The following ULK4 variants were observed in gnomAD, a reference collection of about 807,000 sequenced individuals.
The protein encoded by ULK4 is inactive serine/threonine-protein kinase ULK4.
ULK4 carries 133 observed loss-of-function variants against 160.6 expected under a neutral mutation model. The ratio of observed to expected loss-of-function variants is 0.83; its 90% CI spans 0.72 to 0.96. The LOEUF is 0.96. Among genes scored for constraint, ULK4 ranks in the 40% least tolerant of loss-of-function variants. The pLI, the probability that ULK4 is intolerant of heterozygous loss-of-function variation, is 0.00. For synonymous variants in ULK4, 534 were observed against 539.8 expected, an observed-to-expected ratio of 0.99 and a Z score of 0.15; for missense variants, 1,580 against 1,499.5, an observed-to-expected ratio of 1.05 and a Z score of -0.89.
At chr3:41,563,592 C>T (rs2087680459) in intron 32 of ULK4, among the ~76,000 whole-genome samples, 1 of 152,136 alleles carries the variant, frequency 6.6e-6, no homozygotes, top group African/African-American at 2.4e-5. Flanking sequence ...TGTCTTCTCG[C>T]TTTATTTCAT....
intron 12 of ULK4, among the ~76,000 whole-genome samples, chr3:41,906,888 T>C (rs535353910): frequency 1.3e-5 from 2 of 151,798 alleles, no homozygotes; most frequent in East Asian, 2.0e-4. Context: ...AGCGACTTGG[T>C]AGGCTGAGGC....
At chr3:41,472,357 T>G (rs746971273) in intron 32 of ULK4, among the ~76,000 whole-genome samples, 1 of 151,940 alleles carries the variant, frequency 6.6e-6, no homozygotes, top group Non-Finnish European at 1.5e-5. Context: ...TGACCTGAGG[T>G]CAGGAGTTCA....
At chr3:41,252,065 T>C (rs1206634241) in intron 35 of ULK4, among the ~76,000 whole-genome samples, 3 of 152,164 alleles carry the variant, frequency 2.0e-5, no homozygotes, top group Non-Finnish European at 2.9e-5. Flanking sequence ...TAGATGCACA[T>C]AGCACTGCAA....
At chr3:41,601,879 A>T (rs1429470281) in intron 31 of ULK4, among the ~76,000 whole-genome samples, 1 of 152,092 alleles carries the variant, frequency 6.6e-6, no homozygotes, top group Non-Finnish European at 1.5e-5. Flanking sequence ...TTGGAATACA[A>T]AACAAAATAC....
intron 30 of ULK4, among the ~76,000 whole-genome samples, chr3:41,645,562 T>C (rs1488746307): frequency 3.9e-5 from 6 of 152,138 alleles, no homozygotes; most frequent in Non-Finnish European, 5.9e-5. Flanking sequence ...AGAGACAGTT[T>C]GTTATAATTT....
intron 35 of ULK4, among the ~76,000 whole-genome samples, chr3:41,314,855 T>G (rs2080118615): frequency 6.6e-6 from 1 of 151,854 alleles, no homozygotes; most frequent in Non-Finnish European, 1.5e-5. Flanking sequence ...CTAAGGGAGA[T>G]TATATATGGG....
At chr3:41,831,531 A>ATATATATATATATATTTTTTTTTTTTTT in intron 18 of ULK4, among the ~76,000 whole-genome samples, 12 of 138,062 alleles carry the variant, frequency 8.7e-5, no homozygotes, top group African/African-American at 3.4e-4. Flanking sequence ...ATATATATAT[A>ATATATATATATATATTTTTTTTTTTTTT]TTTTTTTTTC....
intron 31 of ULK4, among the ~76,000 whole-genome samples, chr3:41,599,360 C>G (rs983357871): frequency 6.6e-6 from 1 of 152,088 alleles, no homozygotes; most frequent in Non-Finnish European, 1.5e-5. Context: ...TTTAGGTAAC[C>G]TGATCAACCT....
intron 30 of ULK4, among the ~76,000 whole-genome samples, chr3:41,663,087 G>A (rs934722707): frequency 5.3e-5 from 8 of 151,900 alleles, no homozygotes; most frequent in East Asian, 1.9e-4. Context: ...TGGGCATGGC[G>A]GCGGGCACCT....
At chr3:41,690,226 G>T (rs1368247699) in intron 27 of ULK4, among the ~76,000 whole-genome samples, 1 of 150,810 alleles carries the variant, frequency 6.6e-6, no homozygotes, top group Non-Finnish European at 1.5e-5. Flanking sequence ...TCACTCATAG[G>T]TGGGAACTGA....
chr3:41,425,314 A>G (rs540072968), intron 34 of ULK4, among the ~76,000 whole-genome samples: 23 of 152,294 alleles, frequency 1.5e-4, no homozygotes, highest in Middle Eastern at 3.4e-3. Flanking sequence ...GACCAAACCT[A>G]TAACTGACTG....
chr3:41,831,920 G>A (rs1244214922), intron 18 of ULK4, among the ~76,000 whole-genome samples: 1 of 152,144 alleles, frequency 6.6e-6, no homozygotes, highest in Non-Finnish European at 1.5e-5. Flanking sequence ...TGGTGTATAT[G>A]TGCCACATTT....
chr3:41,830,440 T>C (rs955092135), intron 18 of ULK4, among the ~76,000 whole-genome samples: 1 of 152,052 alleles, frequency 6.6e-6, no homozygotes, highest in East Asian at 1.9e-4. Context: ...AGTGGTAGTA[T>C]GGAGACAGTA....
intron 17 of ULK4, 83 bp downstream of exon 17, chr3:41,883,791 G>T: frequency 8.6e-7 from 1 of 1,162,920 alleles, no homozygotes; most frequent in Non-Finnish European, 1.3e-6. Flanking sequence ...AGTGAAGGTC[G>T]GTGAAAGCTG....
chr3:41,258,385 G>C (rs1279262198), intron 35 of ULK4: 2 of 152,180 alleles, frequency 1.3e-5, no homozygotes, highest in Non-Finnish European at 2.9e-5. Context: ...TCATGACTAA[G>C]AGACTATTGG....
Position 41,800,057 on chromosome 3 carries a change from C to A in ULK4, c.2010+75G>T, listed in dbSNP as rs551935013. The A allele has an allele frequency of 2.3e-5, 29 of 1,285,950 alleles. No individual in the cohort carries two copies. In the South Asian group the frequency reaches 5.7e-4, roughly 25 times the overall value. 79.7% of individuals were successfully genotyped at this position (1,285,950 alleles called of 1,614,324 possible). On this transcript the variant is annotated intron_variant, in intron 20 of 36. Coordinates refer to ENST00000301831, the MANE Select transcript of ULK4 (RefSeq NM_017886.4). ...TCCTATCTATTAAATTAAATTTATT[C>A]TTATTCTAATATTTTCTTCAAACTT...
intron 30 of ULK4, among the ~76,000 whole-genome samples, chr3:41,643,205 A>G (rs1241512938): frequency 1.3e-5 from 2 of 151,918 alleles, no homozygotes; most frequent in Admixed American, 1.3e-4. Context: ...ATTAGATCCC[A>G]TTTGTCAATT....
chr3:41,335,476 G>A (rs1437279160), intron 35 of ULK4, among the ~76,000 whole-genome samples: 1 of 152,062 alleles, frequency 6.6e-6, no homozygotes, highest in Non-Finnish European at 1.5e-5. Context: ...ATATATCTTG[G>A]TGGTAACTTA....
intron 35 of ULK4, among the ~76,000 whole-genome samples, chr3:41,315,049 A>T (rs2080121351): frequency 6.6e-6 from 1 of 152,370 alleles, no homozygotes; most frequent in South Asian, 2.1e-4. Flanking sequence ...AAAACCATGC[A>T]AATTAGCATA....
Sources: gnomAD v4.1 joint callset for allele counts (sites outside exome capture counted in the v4.1 genomes callset) on GRCh38, gnomAD v4.1.1 for gene constraint, MANE v1.5 for transcripts, NCBI Gene and HGNC (gene_info 2026-07-23, HGNC 2026-07-21) for gene names.